COX7A2L: variants seen among roughly 807,000 people sequenced by gnomAD.
COX7A2L encodes cytochrome c oxidase subunit 7A2 like, also known as cytochrome c oxidase subunit 7A2-like, mitochondrial.
Under a neutral mutation model 14.2 loss-of-function variants are expected in COX7A2L, and 18 were observed. That is an observed-to-expected ratio of 1.27 (90% CI 0.88 to 1.88). The LOEUF (loss-of-function observed/expected upper bound fraction) is 1.88, where lower values mean the gene tolerates loss of function less well. Among genes scored for constraint, COX7A2L ranks in the 40% most tolerant of loss-of-function variants. COX7A2L has a pLI of 0.00. For synonymous variants in COX7A2L, 65 were observed against 57.4 expected (o/e 1.13, Z -0.60); for missense variants, 179 against 138.8 (o/e 1.29, Z -1.46).
downstream of COX7A2L, among the ~76,000 whole-genome samples, chr2:42,346,324 T>C (rs1290356115): frequency 6.6e-6 from 1 of 152,142 alleles, no homozygotes; most frequent in Non-Finnish European, 1.5e-5. Context: ...GCAGTCCTTG[T>C]GAGGCCCAGC....
intron 1 of COX7A2L, among the ~76,000 whole-genome samples, chr2:42,360,713 G>A (rs1171630078): frequency 2.9e-4 from 2 of 6,900 alleles, no homozygotes; most frequent in African/African-American, 3.9e-3. Flanking sequence ...GGCTCTGGCA[G>A]ATGACAAACG....
At chr2:42,359,184 G>C (rs549185793) in intron 1 of COX7A2L, 2 of 152,200 alleles carry the variant, frequency 1.3e-5, no homozygotes, top group African/African-American at 4.8e-5. Flanking sequence ...AAAGCAGGAC[G>C]ATTACTTGAG....
chr2:42,339,065 C>T lies in COX7A2L; in HGVS notation c.193-5196G>A, dbSNP rs748124596. Among the ~76,000 whole-genome samples, 1 of 152,208 alleles carries T rather than the reference C, an allele frequency of 6.6e-6. No individual in the cohort carries two copies. Among genetic ancestry groups the T allele is most frequent in the Non-Finnish European group, 1.5e-5 (1 of 68,044 alleles). ...GGCAACGCAACAGATTGTGAGGAAA[C>T]CCTGCAGATGGCTCCGTTAATAAAG... On this transcript the variant is annotated intron_variant, in intron 2 of 2. Coordinates refer to the COX7A2L transcript ENST00000468711. This position sits in a 1 kb window ranked among gnomAD's most constrained non-coding sequence, Gnocchi z 5.4.
chr2:42,336,821 A>C (rs1266738680), intron 2 of COX7A2L, among the ~76,000 whole-genome samples: 1 of 112,792 alleles, frequency 8.9e-6, no homozygotes, highest in Admixed American at 7.8e-5. Flanking sequence ...GCCAGTGTGA[A>C]TCCTGGGGAG....
chr2:42,367,442 G>C (rs528163842), intron 1 of COX7A2L, among the ~76,000 whole-genome samples: 1 of 152,046 alleles, frequency 6.6e-6, no homozygotes, highest in Non-Finnish European at 1.5e-5. Context: ...GTCTTCTCCC[G>C]AGAAATGGAC....
In COX7A2L at chr2:42,353,280, T is replaced by G. The variant is rs760957869; in HGVS notation, c.136A>C (p.Thr46Pro). The change falls in exon 2 of 3, where the codon ACC becomes CCC. Residue 46 changes from threonine (T) to proline (P), a missense_variant. Thr to Pro is a conservative substitution (Grantham distance 38, BLOSUM62 -1). Transcript: ENST00000234301. ...PIIFATPTKLTSDSTVYDYAG... is the reference protein window; with the variant it reads ...PIIFATPTKLPSDSTVYDYAG... The stretch of plus-strand genomic sequence containing the variant: ...TAATCATACACTGTGGAATCGGAGG[T>G]CAGTTTAGTTGGTGTGGCAAATATG... 6.2e-7 allele frequency: 1 copy of G among 1,614,002 alleles called. No individual in the cohort carries two copies. Among genetic ancestry groups the G allele is most frequent in the Non-Finnish European group, 8.5e-7 (1 of 1,180,008 alleles).
At chr2:42,356,626 T>C (rs1670826807) in intron 1 of COX7A2L, among the ~76,000 whole-genome samples, 2 of 152,212 alleles carry the variant, frequency 1.3e-5, no homozygotes, top group African/African-American at 4.8e-5. Flanking sequence ...CTGAAAGCTG[T>C]TCTTATAAAA....
At chr2:42,365,826 G>A (rs1026260529), upstream of COX7A2L, 1 of 152,178 alleles carries the variant, frequency 6.6e-6, no homozygotes, top group Non-Finnish European at 1.5e-5. Context: ...TGACTAAAGG[G>A]CCATTCTGCC....
downstream of COX7A2L, among the ~76,000 whole-genome samples, chr2:42,345,080 C>T (rs913654339): frequency 3.9e-5 from 6 of 152,180 alleles, no homozygotes; most frequent in Non-Finnish European, 8.8e-5. Flanking sequence ...CATGTGTGAT[C>T]TATTATCAAA....
chr2:42,338,227 C>T lies in COX7A2L; in HGVS notation c.193-4358G>A, dbSNP rs952104964. 6.6e-6 allele frequency among the ~76,000 whole-genome samples: 1 copy of T among 152,240 alleles called. No homozygotes were observed. Among genetic ancestry groups the T allele is most frequent in the African/African-American group, 2.4e-5 (1 of 41,468 alleles). ...CCGCAGCGGCCAGGGAGCCGCTCCT[C>T]GTCTTGCTTCCGGTTGATGTGTCGT... On this transcript the variant is annotated intron_variant, in intron 2 of 2. Coordinates refer to the COX7A2L transcript ENST00000468711. The surrounding 1 kb of genome is among the most constrained non-coding windows in gnomAD (Gnocchi z 4.4).
At chr2:42,363,568 G>A (rs1431138009), upstream of COX7A2L, among the ~76,000 whole-genome samples, 1 of 152,192 alleles carries the variant, frequency 6.6e-6, no homozygotes, top group African/African-American at 2.4e-5. Context: ...CAACAGCCAG[G>A]CTGTTCAGTG....
At chr2:42,353,458 A>G in intron 1 of COX7A2L, 115 bp from the exon 2 acceptor site, 1 of 1,381,162 alleles carries the variant, frequency 7.2e-7, no homozygotes, top group Non-Finnish European at 1.0e-6. Context: ...CAACTTTCCC[A>G]GAGCAAACCC....
chr2:42,360,460 T>A (rs1670988405), intron 1 of COX7A2L, among the ~76,000 whole-genome samples: 1 of 152,174 alleles, frequency 6.6e-6, no homozygotes, highest in Non-Finnish European at 1.5e-5. Flanking sequence ...AAACTCCAAT[T>A]GGTAGAATCT....
At position 42,338,420 on chromosome 2, in the gene COX7A2L, G is replaced by A. The variant is rs966232446; in HGVS notation, c.193-4551C>T. Among the ~76,000 whole-genome samples, 4 of 152,212 alleles carry A rather than the reference G, an allele frequency of 2.6e-5. No homozygotes were observed. The highest frequency in any genetic ancestry group is 4.4e-5 in the Non-Finnish European group (3 of 68,028). ...CAAGACTGCCGCAGAACTGAGATGA[G>A]GTGACCAGGCTTTCTCCGAGAGCGA... On this transcript the variant is annotated intron_variant, in intron 2 of 2. Coordinates refer to the COX7A2L transcript ENST00000468711. The surrounding 1 kb of genome is among the most constrained non-coding windows in gnomAD (Gnocchi z 4.4).
At chr2:42,363,846 G>A (rs1446753012), upstream of COX7A2L, among the ~76,000 whole-genome samples, 3 of 152,194 alleles carry the variant, frequency 2.0e-5, no homozygotes, top group African/African-American at 7.2e-5. Context: ...CAGGTGAACT[G>A]AGTGAGTGCA....
rs759415368 is a variant in COX7A2L at position 42,349,997 on chromosome 2, T to C, written c.*1222A>G. On this transcript the variant is annotated 3_prime_UTR_variant, in exon 3 of 3. Coordinates refer to ENST00000234301, the MANE Select transcript of COX7A2L (RefSeq NM_004718.4). ...TATATTGTACTATGCTTAGTCCTTC[T>C]GTAGTCTGAAAATTTTCAAAATAAA... The C allele has an allele frequency of 5.3e-5, 8 of 152,290 alleles. No homozygotes were observed. Among genetic ancestry groups the C allele is most frequent in the Middle Eastern group, 3.4e-3 (1 of 292 alleles). The allele number at this position is 152,290 out of a possible 1,614,324, so 9.4% of individuals were successfully genotyped here.
rs573788850 is a variant in COX7A2L, at chr2:42,361,123, T to C, written c.39A>G (p.Ala13=). The change falls in exon 1 of 3, where the codon GCA becomes GCG. Residue 13 remains alanine (A), a synonymous_variant. Coordinates refer to ENST00000234301, the MANE Select transcript of COX7A2L (RefSeq NM_004718.4). ...YKFSGFTQKL[A]GAWASEAYSP... ...TATAGGCCTCCGAAGCCCATGCTCC[T>C]GCCAACTTCTGCGTGAAGCCACTAA... 190 of 1,613,836 alleles carry C rather than the reference T, an allele frequency of 1.2e-4. 1 individual carries two copies. The East Asian group carries it at 3.6e-3, about 31-fold the overall frequency.
chr2:42,362,038 G>C (rs532852009), upstream of COX7A2L, among the ~76,000 whole-genome samples: 9 of 152,254 alleles, frequency 5.9e-5, no homozygotes, highest in African/African-American at 2.2e-4. Context: ...CTCAGAACTG[G>C]TTTTTATTCT....
At position 42,351,180 on chromosome 2, in the gene COX7A2L, G is replaced by A. The variant is rs753859408; in HGVS notation, c.*39C>T. The stretch of plus-strand genomic sequence containing the variant: ...AACAATGAAAAAGGAACTTCAAAGG[G>A]TTTATGCCAAAAAACAAACCAGTCC... On this transcript the variant is annotated 3_prime_UTR_variant, in exon 3 of 3. Transcript: ENST00000234301. 15 of 1,579,042 alleles carry A rather than the reference G, an allele frequency of 9.5e-6. No homozygotes were observed. Among genetic ancestry groups the A allele is most frequent in the Non-Finnish European group, 1.3e-5 (15 of 1,162,298 alleles).
Sources: gnomAD v4.1 joint callset for allele counts (sites outside exome capture counted in the v4.1 genomes callset) on GRCh38, gnomAD v4.1.1 for gene constraint, Gnocchi (gnomAD v3.1) non-coding constraint, MANE v1.5 for transcripts, NCBI Gene and HGNC (gene_info 2026-07-23, HGNC 2026-07-21) for gene names.